Variants in CTNNA3 observed in about 807,000 individuals in gnomAD.
The protein encoded by CTNNA3 is catenin alpha-3.
A neutral mutation model predicts 95.7 loss-of-function variants in CTNNA3; 76 were observed. The observed-to-expected ratio is 0.79, with a 90% CI of 0.66 to 0.96. The LOEUF is 0.96. Ranked by LOEUF, CTNNA3 falls within the 40% of genes least tolerant of loss-of-function variation. The pLI is 0.00. For synonymous variants in CTNNA3, 431 were observed against 374.4 expected (o/e 1.15, Z -1.74); for missense variants, 1,191 against 1,089.8 (o/e 1.09, Z -1.31).
At chr10:67,165,195 T>C (rs114344512) in intron 7 of CTNNA3, among the ~76,000 whole-genome samples, 3,552 of 152,308 alleles carry the variant, frequency 0.023, 116 homozygotes, top group African/African-American at 0.074. Flanking sequence ...ACTATCAATA[T>C]ATCCAACTTG....
intron 9 of CTNNA3, among the ~76,000 whole-genome samples, chr10:66,626,389 T>C (rs941335584): frequency 1.3e-5 from 2 of 152,128 alleles, no homozygotes; most frequent in Non-Finnish European, 2.9e-5. Flanking sequence ...AATTGTAATA[T>C]CATGTCACCA....
chr10:67,272,409 T>A (rs748379110), intron 5 of CTNNA3, among the ~76,000 whole-genome samples: 2 of 151,946 alleles, frequency 1.3e-5, no homozygotes, highest in Non-Finnish European at 1.5e-5. Flanking sequence ...AAAAATTAGC[T>A]GGGAGTGGTG....
intron 16 of CTNNA3, among the ~76,000 whole-genome samples, chr10:65,971,793 C>T (rs772512128): frequency 6.6e-6 from 1 of 152,122 alleles, no homozygotes; most frequent in South Asian, 2.1e-4. Context: ...AGGAGAGACT[C>T]CTCTTTAGCT....
chr10:66,815,455 A>G (rs892744701), intron 7 of CTNNA3, among the ~76,000 whole-genome samples: 2 of 152,132 alleles, frequency 1.3e-5, no homozygotes, highest in African/African-American at 4.8e-5. Flanking sequence ...CTCAAGAACT[A>G]TTATTGTTTG....
At chr10:66,862,280 C>T (rs763405824) in intron 7 of CTNNA3, among the ~76,000 whole-genome samples, 6 of 152,094 alleles carry the variant, frequency 3.9e-5, no homozygotes, top group Non-Finnish European at 8.8e-5. Flanking sequence ...AAAATCTTAA[C>T]TCCTGTTTAT....
At chr10:66,628,741 A>G (rs1188928412) in intron 9 of CTNNA3, among the ~76,000 whole-genome samples, 1 of 152,158 alleles carries the variant, frequency 6.6e-6, no homozygotes, top group Non-Finnish European at 1.5e-5. Context: ...CAAAGTCACT[A>G]GCCAAATCAC....
intron 4 of CTNNA3, among the ~76,000 whole-genome samples, chr10:67,531,244 T>C (rs2133183149): frequency 6.6e-6 from 1 of 152,078 alleles, no homozygotes; most frequent in South Asian, 2.1e-4. Flanking sequence ...GAATGATAGC[T>C]CCACTGACAG....
intron 7 of CTNNA3, among the ~76,000 whole-genome samples, chr10:66,911,899 A>G (rs1317907109): frequency 2.0e-5 from 3 of 152,198 alleles, no homozygotes; most frequent in African/African-American, 7.2e-5. Flanking sequence ...GCCTGAACAT[A>G]TAATGACATG....
chr10:66,435,730 T>A (rs1258141238), intron 11 of CTNNA3, among the ~76,000 whole-genome samples: 1 of 152,088 alleles, frequency 6.6e-6, no homozygotes, highest in Non-Finnish European at 1.5e-5. Context: ...GCTTTTGAAT[T>A]TGTTTGCTAT....
chr10:66,689,687 TAATG>T (rs1847443861), intron 9 of CTNNA3, among the ~76,000 whole-genome samples: 1 of 152,174 alleles, frequency 6.6e-6, no homozygotes, highest in Non-Finnish European at 1.5e-5. Flanking sequence ...CCTCACTCCT[TAATG>T]AGGAGTCCAA....
At chr10:66,199,482 A>G (rs2087178000) in intron 13 of CTNNA3, among the ~76,000 whole-genome samples, 1 of 151,948 alleles carries the variant, frequency 6.6e-6, no homozygotes, top group South Asian at 2.1e-4. Context: ...AAGAACAACA[A>G]AACTTCAGTG....
At chr10:66,625,438 G>C (rs765277576) in intron 9 of CTNNA3, among the ~76,000 whole-genome samples, 1 of 152,024 alleles carries the variant, frequency 6.6e-6, no homozygotes, top group Non-Finnish European at 1.5e-5. Flanking sequence ...GCCCAGGCTG[G>C]AGTGCAGTGG....
At chr10:66,654,523 C>T (rs776201616) in intron 9 of CTNNA3, among the ~76,000 whole-genome samples, 1 of 151,924 alleles carries the variant, frequency 6.6e-6, no homozygotes, top group Non-Finnish European at 1.5e-5. Flanking sequence ...ATTAGTACAG[C>T]CATATGGAAA....
intron 6 of CTNNA3, among the ~76,000 whole-genome samples, chr10:67,210,515 A>G (rs776934352): frequency 3.9e-5 from 6 of 152,278 alleles, no homozygotes; most frequent in Middle Eastern, 3.4e-3. Flanking sequence ...GCTTTGATAT[A>G]TGTATGCACT....
chr10:67,451,419 T>A (rs866681297), intron 5 of CTNNA3, among the ~76,000 whole-genome samples: 8 of 151,956 alleles, frequency 5.3e-5, no homozygotes, highest in African/African-American at 1.9e-4. Context: ...AGAAAAAGTT[T>A]TTGTTGTAAA....
At chr10:67,585,129 C>T (rs1842581392) in intron 3 of CTNNA3, among the ~76,000 whole-genome samples, 3 of 152,154 alleles carry the variant, frequency 2.0e-5, no homozygotes, top group Admixed American at 2.0e-4. Flanking sequence ...AGAAATCACC[C>T]ATCTTCTGCG....
At chr10:67,123,456 A>C (rs975732457) in intron 7 of CTNNA3, among the ~76,000 whole-genome samples, 1 of 152,182 alleles carries the variant, frequency 6.6e-6, no homozygotes, top group African/African-American at 2.4e-5. Flanking sequence ...TAACAGCTCT[A>C]GTTTATTAAC....
At chr10:66,222,581 G>A (rs922349) in intron 13 of CTNNA3, among the ~76,000 whole-genome samples, 115,521 of 146,996 alleles carry the variant, frequency 0.79, 45,527 homozygotes, top group South Asian at 0.94. Flanking sequence ...AAAGAAAGAA[G>A]GAAAGAAAAA....
At chr10:66,602,763 C>A (rs1453655094) in intron 10 of CTNNA3, among the ~76,000 whole-genome samples, 2 of 152,038 alleles carry the variant, frequency 1.3e-5, no homozygotes, top group African/African-American at 4.8e-5. Context: ...AAGTAGGATT[C>A]ATCCCAGGGA....
Sources: allele counts gnomAD v4.1 joint callset (sites outside exome capture counted in the v4.1 genomes callset), GRCh38; gene constraint gnomAD v4.1.1; transcripts MANE v1.5; gene names NCBI Gene and HGNC (gene_info 2026-07-23, HGNC 2026-07-21).